The following CDH20 variants were observed in gnomAD, a reference collection of about 807,000 sequenced individuals.
The protein encoded by CDH20 is cadherin 20.
In CDH20, 29 loss-of-function variants were observed where a neutral mutation model predicts 74.2. The ratio of observed to expected loss-of-function variants is 0.39; its 90% confidence interval spans 0.29 to 0.53. The LOEUF is 0.53. Among genes scored for constraint, CDH20 ranks in the 20% least tolerant of loss-of-function variants. CDH20 has a pLI of 0.69. For missense variants in CDH20, 988 were observed against 1,048.3 expected, an observed-to-expected ratio of 0.94 and a Z score of 0.79; for synonymous variants, 469 against 405.4, an observed-to-expected ratio of 1.16 and a Z score of -1.88.
intron 1 of CDH20, among the ~76,000 whole-genome samples, chr18:61,420,772 T>C (rs1912847744): frequency 6.6e-6 from 1 of 152,274 alleles, no homozygotes; most frequent in African/African-American, 2.4e-5. Context: ...TTAAACAATC[T>C]GGCTGGGCGC....
chr18:61,465,470 A>G (rs1198389079), intron 1 of CDH20, among the ~76,000 whole-genome samples: 1 of 152,248 alleles, frequency 6.6e-6, no homozygotes, highest in Non-Finnish European at 1.5e-5. Flanking sequence ...AAATAGAAGT[A>G]GCAATAAGAA....
Position 61,554,652 on chromosome 18 carries a change from C to T in CDH20, c.2363C>T (p.Ala788Val). 6.3e-7 allele frequency: 1 copy of T among 1,596,660 alleles called. No individual in the cohort carries two copies. The highest frequency in any genetic ancestry group is 8.5e-7 in the Non-Finnish European group (1 of 1,172,164). ...TDWGPRFRKL[A>V]ELYGASEGPA... ...TGGGGGCCCCGCTTCCGGAAGCTGGCCGAGCTCTACGGGGCGTCGGAGGGA... is the reference window on the plus strand; with the variant it reads ...TGGGGGCCCCGCTTCCGGAAGCTGGTCGAGCTCTACGGGGCGTCGGAGGGA... Residue 788 changes from alanine to valine, a missense_variant, in exon 12 of 12, where the codon GCC becomes GTC. Physicochemically the swap from Ala to Val is moderately conservative, Grantham distance 64. Coordinates refer to ENST00000262717, the MANE Select transcript of CDH20 (RefSeq NM_031891.4).
intron 1 of CDH20, among the ~76,000 whole-genome samples, chr18:61,334,728 TTTTG>T (rs1231837316): frequency 1.3e-5 from 2 of 152,056 alleles, no homozygotes; most frequent in African/African-American, 4.8e-5. Flanking sequence ...CCTTGTTTTG[TTTTG>T]TTTGTTTCTG....
At chr18:61,436,870 G>A (rs1406555275) in intron 1 of CDH20, among the ~76,000 whole-genome samples, 1 of 152,120 alleles carries the variant, frequency 6.6e-6, no homozygotes, top group Non-Finnish European at 1.5e-5. Context: ...GTAGTTAAAA[G>A]TACAGCCTGG....
chr18:61,540,416 G>C (rs1163437769), intron 9 of CDH20, among the ~76,000 whole-genome samples: 1 of 152,078 alleles, frequency 6.6e-6, no homozygotes, highest in Admixed American at 6.6e-5. Context: ...AGAAAAAGAA[G>C]GTTAATGGAC....
chr18:61,498,471 C>T (rs989837383), intron 2 of CDH20, among the ~76,000 whole-genome samples: 3 of 151,892 alleles, frequency 2.0e-5, no homozygotes, highest in African/African-American at 7.3e-5. Context: ...AAGCATGTCC[C>T]TAACTCAACC....
At chr18:61,351,808 CTG>C (rs1252503579) in intron 1 of CDH20, among the ~76,000 whole-genome samples, 1 of 151,842 alleles carries the variant, frequency 6.6e-6, no homozygotes, top group East Asian at 1.9e-4. Context: ...TCATGAATAC[CTG>C]TGTCATAAGA....
chr18:61,541,317 T>A (rs867494726), intron 9 of CDH20, among the ~76,000 whole-genome samples: 48 of 151,548 alleles, frequency 3.2e-4, no homozygotes, highest in African/African-American at 1.0e-3. Flanking sequence ...AAACTTGTTA[T>A]AAAATTATAT....
intron 1 of CDH20, among the ~76,000 whole-genome samples, chr18:61,441,259 A>C (rs1909023207): frequency 6.6e-6 from 1 of 152,172 alleles, no homozygotes. Context: ...TTTTGTATAC[A>C]GTTGTGTTTG....
At chr18:61,539,202 G>C in intron 9 of CDH20, 57 bp downstream of exon 9, 1 of 1,577,450 alleles carries the variant, frequency 6.3e-7, no homozygotes, top group Middle Eastern at 1.7e-4. Context: ...GGAAACAATT[G>C]TTAGATAACC....
At chr18:61,553,691 G>A (rs182637864) in intron 11 of CDH20, among the ~76,000 whole-genome samples, 1 of 152,146 alleles carries the variant, frequency 6.6e-6, no homozygotes, top group Non-Finnish European at 1.5e-5. Context: ...TGCATATTAA[G>A]ATATGATTAT....
intron 1 of CDH20, among the ~76,000 whole-genome samples, chr18:61,474,430 T>G (rs949013126): frequency 6.6e-6 from 1 of 152,170 alleles, no homozygotes; most frequent in Non-Finnish European, 1.5e-5. Flanking sequence ...CTCCATGGAT[T>G]TCTTTGAACC....
rs547291508 is a variant in CDH20, at chr18:61,372,770, G to A, written c.-153+38943G>A. Among the ~76,000 whole-genome samples, 7 of 152,222 alleles carry A rather than the reference G, an allele frequency of 4.6e-5. No individual in the cohort carries two copies. The South Asian group carries it at 1.5e-3, about 32-fold the overall frequency. On this transcript the variant is annotated intron_variant, in intron 1 of 11. Transcript: ENST00000262717. ...TGTTCTGTAACTGCAGAGTTGAGTA[G>A]GTGTGACAGAGACTGAATGGTGCAC...
At chr18:61,458,095 T>C (rs943644380) in intron 1 of CDH20, among the ~76,000 whole-genome samples, 2 of 152,180 alleles carry the variant, frequency 1.3e-5, no homozygotes, top group Admixed American at 1.3e-4. Context: ...TCTCCAGCTC[T>C]GCTTCTCTTT....
chr18:61,500,823 C>T (rs1911352517), intron 4 of CDH20, among the ~76,000 whole-genome samples: 1 of 152,142 alleles, frequency 6.6e-6, no homozygotes, highest in Non-Finnish European at 1.5e-5. Context: ...TTTATAACCC[C>T]ATGAAGACCC....
intron 1 of CDH20, among the ~76,000 whole-genome samples, chr18:61,477,895 T>C (rs964222193): frequency 3.3e-5 from 5 of 152,136 alleles, no homozygotes; most frequent in African/African-American, 7.2e-5. Flanking sequence ...CTTAAGCTAA[T>C]TGTGAAAGTA....
At position 61,427,350 on chromosome 18, in the gene CDH20, T is replaced by C. The variant is rs538284134; in HGVS notation, c.-152-63052T>C. On this transcript the variant is annotated intron_variant, in intron 1 of 11. Transcript: ENST00000262717. ...TTTGTCTTTATCATAACCCATTTTATAGCAAAGTGAGGAACAGAGATTTAA... is the reference window on the plus strand; with the variant it reads ...TTTGTCTTTATCATAACCCATTTTACAGCAAAGTGAGGAACAGAGATTTAA... Among the ~76,000 whole-genome samples, 12 of 152,334 alleles carry C rather than the reference T, an allele frequency of 7.9e-5. 1 individual carries two copies. The highest frequency in any genetic ancestry group is 6.2e-4 in the South Asian group (3 of 4,824).
At chr18:61,366,066 T>A (rs1240296742) in intron 1 of CDH20, among the ~76,000 whole-genome samples, 1 of 152,206 alleles carries the variant, frequency 6.6e-6, no homozygotes, top group African/African-American at 2.4e-5. Flanking sequence ...TTGATTTTCA[T>A]AATAATTCAT....
intron 1 of CDH20, among the ~76,000 whole-genome samples, chr18:61,343,693 A>T (rs1168567095): frequency 2.6e-5 from 4 of 152,224 alleles, no homozygotes; most frequent in South Asian, 4.1e-4. Flanking sequence ...AAAGTCTTCA[A>T]AATAGCCGAC....
Sources: gnomAD v4.1 joint callset for allele counts (sites outside exome capture counted in the v4.1 genomes callset) on GRCh38, gnomAD v4.1.1 for gene constraint, MANE v1.5 for transcripts, NCBI Gene and HGNC (gene_info 2026-07-23, HGNC 2026-07-21) for gene names.